The following LRRC49 variants were observed in gnomAD, a reference collection of about 807,000 sequenced individuals.
LRRC49 encodes leucine rich repeat containing 49, also known as leucine-rich repeat-containing protein 49.
LRRC49 carries 50 observed loss-of-function variants against 83.3 expected under a neutral mutation model. The observed-to-expected ratio is 0.60, with a 90% CI of 0.48 to 0.76. The LOEUF (loss-of-function observed/expected upper bound fraction) is 0.76. LRRC49 is among the 30% of genes least tolerant of loss of function. LRRC49 has a pLI of 0.00. For missense variants in LRRC49, 704 were observed against 809.1 expected, an observed-to-expected ratio of 0.87 and a Z score of 1.58; for synonymous variants, 286 against 283.3, an observed-to-expected ratio of 1.01 and a Z score of -0.10.
chr15:70,901,109 C>G, intron 4 of LRRC49, 85 bp downstream of exon 4: 2 of 741,074 alleles, frequency 2.7e-6, no homozygotes, highest in Non-Finnish European at 4.5e-6. Context: ...AAGTCTCCCT[C>G]CTTCCTCCTG....
In LRRC49 at chr15:70,984,141, GCAACAA is replaced by G. The variant is rs3834543; in HGVS notation, c.1058_1063del (p.Gln353_Gln354del). On this transcript the variant is annotated inframe_deletion, in exon 11 of 16. Transcript: ENST00000260382. The stretch of plus-strand genomic sequence containing the variant: ...ACAACGTAGCTCGACAGTGGGACTT[GCAACAA>G]CAACGAGTAGCCAATATTGCTACAA... 2.4e-5 allele frequency: 39 copies of G among 1,612,434 alleles called. No homozygotes were observed. The highest frequency in any genetic ancestry group is 3.2e-5 in the Non-Finnish European group (38 of 1,179,192).
In LRRC49 at chr15:70,953,813, T is replaced by A. The variant is rs542239607; in HGVS notation, c.774-9972T>A. ...TTTCTCAGCTATTCTGTTATTTTTT[T>A]AAATTATTTTTTCTTTATTTTTGTC... On this transcript the variant is annotated intron_variant, in intron 8 of 15. Coordinates refer to ENST00000260382, the MANE Select transcript of LRRC49 (RefSeq NM_017691.5). Among the ~76,000 whole-genome samples the A allele has an allele frequency of 3.9e-5, 6 of 152,258 alleles. No homozygotes were observed. The South Asian group carries it at 6.2e-4, about 16-fold the overall frequency.
intron 1 of LRRC49, among the ~76,000 whole-genome samples, chr15:70,868,332 G>A (rs1284440953): frequency 1.3e-5 from 2 of 152,258 alleles, no homozygotes; most frequent in Admixed American, 6.5e-5. Context: ...GCTTGGATAC[G>A]TACCCAGTAG....
chr15:70,882,550 G>GTAAA (rs763113581), intron 2 of LRRC49: 5 of 1,613,762 alleles, frequency 3.1e-6, no homozygotes, highest in Non-Finnish European at 2.5e-6. Flanking sequence ...AATCACTGGA[G>GTAAA]TAAATGTCAA....
intron 8 of LRRC49, among the ~76,000 whole-genome samples, chr15:70,957,694 A>G (rs1398711266): frequency 2.0e-5 from 3 of 152,186 alleles, no homozygotes; most frequent in Non-Finnish European, 4.4e-5. Context: ...ATGCTCTTCA[A>G]CATCTACTGG....
At chr15:70,885,585 T>G (rs752805263) in intron 2 of LRRC49, among the ~76,000 whole-genome samples, 1 of 152,192 alleles carries the variant, frequency 6.6e-6, no homozygotes, top group Non-Finnish European at 1.5e-5. Context: ...TGGAAACAGA[T>G]GTACTATGCA....
chr15:70,945,428 T>C (rs2035971606), intron 8 of LRRC49, among the ~76,000 whole-genome samples: 1 of 152,092 alleles, frequency 6.6e-6, no homozygotes, highest in South Asian at 2.1e-4. Context: ...TTGTCATGAT[T>C]GTATATCATC....
intron 2 of LRRC49, 75 bp downstream of exon 2, chr15:70,893,715 T>G: frequency 1.8e-6 from 2 of 1,141,268 alleles, no homozygotes; most frequent in Non-Finnish European, 2.6e-6. Flanking sequence ...TGACTTAAAG[T>G]GTAGATAGAT....
rs552226624 is a variant in LRRC49, at chr15:71,008,704, A to G, written c.1407+88A>G. On this transcript the variant is annotated intron_variant, in intron 12 of 15. Transcript: ENST00000260382. ...CAAAGACCTGTTTTAACTTGTATTT[A>G]TGTAGTTTCTATCTGGCAGGAAGAT... 22 of 870,222 alleles carry G rather than the reference A, an allele frequency of 2.5e-5. No homozygotes were observed. The South Asian group carries it at 3.2e-4, about 13-fold the overall frequency. The allele number at this position is 870,222 out of a possible 1,614,324, so 53.9% of individuals were successfully genotyped here.
At chr15:70,894,002 C>T (rs185545051) in intron 2 of LRRC49, among the ~76,000 whole-genome samples, 5 of 152,178 alleles carry the variant, frequency 3.3e-5, no homozygotes, top group African/African-American at 1.2e-4. Context: ...TCAAGCGATC[C>T]TCCCACCTCA....
Position 71,037,191 on chromosome 15 carries a change from T to C in LRRC49, c.1716T>C (p.Phe572=). Residue 572 remains phenylalanine, a synonymous_variant, in exon 15 of 16, where the codon TTT becomes TTC. Transcript: ENST00000260382. ...SILGDARKKQ[F]RYLLESKGKK... The stretch of plus-strand genomic sequence containing the variant: ...TGTCTTTCTACAGGAAAAAGCAATT[T>C]CGGTATCTACTAGAATCCAAAGGAA... 1 of 1,604,882 alleles carries C rather than the reference T, an allele frequency of 6.2e-7. No individual in the cohort carries two copies. The highest frequency in any genetic ancestry group is 8.5e-7 in the Non-Finnish European group (1 of 1,176,128).
At chr15:70,980,247 G>C (rs1249236660) in intron 10 of LRRC49, 63 bp downstream of exon 10, 1 of 1,181,826 alleles carries the variant, frequency 8.5e-7, no homozygotes, top group African/African-American at 1.5e-5. Flanking sequence ...CCCAAAGCCA[G>C]CTAGCTAGTC....
At chr15:71,042,414 G>A (rs1191208737) in intron 15 of LRRC49, among the ~76,000 whole-genome samples, 1 of 152,112 alleles carries the variant, frequency 6.6e-6, no homozygotes, top group Non-Finnish European at 1.5e-5. Flanking sequence ...AGGAAAGAAG[G>A]AATCTGAAGC....
intron 15 of LRRC49, among the ~76,000 whole-genome samples, chr15:71,038,970 A>T (rs186121441): frequency 6.6e-5 from 10 of 152,304 alleles, no homozygotes; most frequent in Middle Eastern, 3.4e-3. Context: ...CTAATGGAGG[A>T]GATAGACATA....
chr15:70,907,584 T>C (rs2034368718), intron 5 of LRRC49: 1 of 165,916 alleles, frequency 6.0e-6, no homozygotes, highest in African/African-American at 2.4e-5. Flanking sequence ...ATCAAAACTC[T>C]TAGAACCTGG....
At chr15:70,927,055 A>C (rs549693844) in intron 7 of LRRC49, among the ~76,000 whole-genome samples, 1 of 152,210 alleles carries the variant, frequency 6.6e-6, no homozygotes, top group African/African-American at 2.4e-5. Context: ...ACCAGTTAGA[A>C]TGGCGATCAT....
chr15:70,950,434 T>C (rs532413048), intron 8 of LRRC49, among the ~76,000 whole-genome samples: 6 of 152,190 alleles, frequency 3.9e-5, no homozygotes, highest in African/African-American at 1.4e-4. Context: ...AAGTGTTCCC[T>C]TTTCTCCAAT....
chr15:70,998,819 T>C (rs970715402), intron 11 of LRRC49, among the ~76,000 whole-genome samples: 2 of 152,118 alleles, frequency 1.3e-5, no homozygotes, highest in Non-Finnish European at 1.5e-5. Context: ...CCATTATGTT[T>C]ATATTGGTAT....
At chr15:70,862,263 A>C (rs2032807043) in intron 1 of LRRC49, among the ~76,000 whole-genome samples, 1 of 152,006 alleles carries the variant, frequency 6.6e-6, no homozygotes. Context: ...AGAATCTTAG[A>C]ATCACCTGGG....
Sources: allele counts gnomAD v4.1 joint callset (sites outside exome capture counted in the v4.1 genomes callset), GRCh38; gene constraint gnomAD v4.1.1; transcripts MANE v1.5; gene names NCBI Gene and HGNC (gene_info 2026-07-23, HGNC 2026-07-21).